The following AASDHPPT variants were observed in gnomAD, a reference collection of about 807,000 sequenced individuals.
The protein encoded by AASDHPPT is aminoadipate-semialdehyde dehydrogenase-phosphopantetheinyl transferase, also known as L-aminoadipate-semialdehyde dehydrogenase-phosphopantetheinyl transferase.
In AASDHPPT, 23 loss-of-function variants were observed where a neutral mutation model predicts 36.4. That is an observed-to-expected ratio of 0.63 (90% confidence interval 0.45 to 0.89). The LOEUF (loss-of-function observed/expected upper bound fraction) is 0.89, where lower values mean the gene tolerates loss of function less well. Among genes scored for constraint, AASDHPPT ranks in the 40% least tolerant of loss-of-function variants. The probability of loss-of-function intolerance (pLI) is 0.00; values close to 1 mark genes in which losing one functional copy is unlikely to be tolerated. For missense variants in AASDHPPT, 377 were observed against 378.2 expected, an observed-to-expected ratio of 1.00 and a Z score of 0.03; for synonymous variants, 115 against 128.0, an observed-to-expected ratio of 0.90 and a Z score of 0.68.
Position 106,094,667 on chromosome 11 carries a change from G to T in AASDHPPT, c.765+13G>T. The T allele has an allele frequency of 1.3e-6, 2 of 1,579,568 alleles. No homozygotes were observed. The highest frequency in any genetic ancestry group is 1.7e-6 in the Non-Finnish European group (2 of 1,163,450). Reference sequence around the variant, plus strand: ...TAGACATCAGGATGTAAGATTTTAGGATTTCTCTTTTTTCTAAATAGCATG... The same window carrying T: ...TAGACATCAGGATGTAAGATTTTAGTATTTCTCTTTTTTCTAAATAGCATG... On this transcript the variant is annotated intron_variant, in intron 5 of 5. Transcript: ENST00000278618.
At chr11:106,089,509 G>A (rs1222781504) in intron 2 of AASDHPPT, 2 of 152,030 alleles carry the variant, frequency 1.3e-5, no homozygotes, top group Non-Finnish European at 1.5e-5. Context: ...CTTAGTAAAT[G>A]TTTGTGGTTC....
rs760774577 is a variant in AASDHPPT, at chr11:106,091,480, A to G, written c.693+3A>G. Reference sequence around the variant, plus strand: ...AAGAAAAAGAATGGGCATTTGAGGTAAGAAATTTGTTAGAATTGTTAAAAC... The same window carrying G: ...AAGAAAAAGAATGGGCATTTGAGGTGAGAAATTTGTTAGAATTGTTAAAAC... On this transcript the variant is annotated splice_donor_region_variant and intron_variant, in intron 4 of 5. Transcript: ENST00000278618. The G allele has an allele frequency of 3.5e-5, 55 of 1,568,140 alleles. No homozygotes were observed. The highest frequency in any genetic ancestry group is 4.6e-5 in the Non-Finnish European group (54 of 1,164,484).
chr11:106,088,153 A>AT lies in AASDHPPT; in HGVS notation c.410-2398dup, dbSNP rs375775501. Reference sequence around the variant, plus strand: ...ATATGAAAACGCACTCGTATCGGATATTTTTTGGCTGTACATAATGAGTTA... The same window carrying AT: ...ATATGAAAACGCACTCGTATCGGATATTTTTTTGGCTGTACATAATGAGTTA... On this transcript the variant is annotated intron_variant, in intron 2 of 5. Transcript: ENST00000278618. 5.2e-3 allele frequency among the ~76,000 whole-genome samples: 787 copies of AT among 152,166 alleles called. 8 individuals are homozygous for AT. The highest frequency in any genetic ancestry group is 0.018 in the African/African-American group (734 of 41,538).
At position 106,094,651 on chromosome 11, in the gene AASDHPPT, G is replaced by A. The variant is rs1249875927; in HGVS notation, c.762G>A (p.Gln254=). 1 of 1,595,450 alleles carries A rather than the reference G, an allele frequency of 6.3e-7. No individual in the cohort carries two copies. The highest frequency in any genetic ancestry group is 1.8e-5 in the Admixed American group (1 of 57,072). ...ALRKPDGSRH[Q]DVPSQDDSKP... is the part of the protein sequence containing the mutation. ...GGAAACCCGATGGATCTAGACATCA[G>A]GATGTAAGATTTTAGGATTTCTCTT... The change falls in exon 5 of 6, where the codon CAG becomes CAA. Residue 254 remains glutamine, a synonymous_variant. Transcript: ENST00000278618.
At chr11:106,092,674 G>T (rs540392545) in intron 4 of AASDHPPT, 10 of 152,146 alleles carry the variant, frequency 6.6e-5, no homozygotes, top group African/African-American at 2.2e-4. Flanking sequence ...GTTTATGATG[G>T]TTTAACTTTT....
At chr11:106,094,845 G>C (rs1378818360) in intron 5 of AASDHPPT, among the ~76,000 whole-genome samples, 191 bp downstream of exon 5, 1 of 152,134 alleles carries the variant, frequency 6.6e-6, no homozygotes, top group South Asian at 2.1e-4. Context: ...TTAAAAAGCA[G>C]CTGGGCATGG....
intron 1 of AASDHPPT, among the ~76,000 whole-genome samples, chr11:106,078,382 GATTGAAGCCAATGAA>G (rs1252177488): frequency 5.9e-5 from 9 of 152,234 alleles, no homozygotes; most frequent in African/African-American, 2.2e-4. Flanking sequence ...CGCTCCCCGG[GATTGAAGCCAATGAA>G]ATTGAAGCCA....
At chr11:106,093,094 A>G (rs1293332035) in intron 4 of AASDHPPT, 1 of 152,232 alleles carries the variant, frequency 6.6e-6, no homozygotes, top group Admixed American at 6.5e-5. Context: ...GTATCCAAGG[A>G]CAGAAAGCAT....
intron 4 of AASDHPPT, 109 bp from the exon 5 acceptor site, chr11:106,094,474 A>ATG (rs1392922203): frequency 1.4e-6 from 1 of 730,766 alleles, no homozygotes; most frequent in East Asian, 3.0e-5. Flanking sequence ...GTGTACGTAT[A>ATG]TGTATATATA....
Position 106,079,593 on chromosome 11 carries a change from A to T in AASDHPPT, c.310A>T (p.Asn104Tyr). 6.2e-7 allele frequency: 1 copy of T among 1,614,170 alleles called. No homozygotes were observed. Among genetic ancestry groups the T allele is most frequent in the Non-Finnish European group, 8.5e-7 (1 of 1,180,010 alleles). Residue 104 changes from asparagine to tyrosine, a missense_variant, in exon 2 of 6, where the codon AAT becomes TAT. By Grantham distance (143) the Asn-to-Tyr change is moderately radical. Coordinates refer to ENST00000278618, the MANE Select transcript of AASDHPPT (RefSeq NM_015423.3). ...AAAGGACTCATCGAATCCTTACCCG[A>T]ATTTCAACTTTAACATCTCTCATCA... is the stretch of plus-strand genomic sequence containing the variant. ...LAKDSSNPYP[N>Y]FNFNISHQGD...
At chr11:106,078,173 G>A (rs1281019726) in intron 1 of AASDHPPT, among the ~76,000 whole-genome samples, 1 of 152,190 alleles carries the variant, frequency 6.6e-6, no homozygotes, top group Non-Finnish European at 1.5e-5. Flanking sequence ...TGAAATAAGT[G>A]TAGGGAAGGC....
rs140654612 is a variant in AASDHPPT at position 106,080,293 on chromosome 11, C to T, written c.409+601C>T. Among the ~76,000 whole-genome samples, 216 of 152,286 alleles carry T rather than the reference C, an allele frequency of 1.4e-3. 2 individuals carry two copies. The highest frequency in any genetic ancestry group is 4.9e-3 in the African/African-American group (204 of 41,570). Reference sequence around the variant, plus strand: ...GGGCCGCATGCGCAGATTTTGGTATCTGAGGAGGGTCCTGGAACCAGTCCC... The same window carrying T: ...GGGCCGCATGCGCAGATTTTGGTATTTGAGGAGGGTCCTGGAACCAGTCCC... On this transcript the variant is annotated intron_variant, in intron 2 of 5. Coordinates refer to ENST00000278618, the MANE Select transcript of AASDHPPT (RefSeq NM_015423.3).
Position 106,077,725 on chromosome 11 carries a change from C to T in AASDHPPT, c.15C>T (p.Ala5=), listed in dbSNP as rs1374773673. The part of the protein sequence containing the change: MVFP[A]KRFCLVPSME... Reference sequence around the variant, plus strand: ...GCTTTCAGTGTATGGTTTTCCCTGCCAAACGGTTCTGCTTGGTGCCATCCA... The same window carrying T: ...GCTTTCAGTGTATGGTTTTCCCTGCTAAACGGTTCTGCTTGGTGCCATCCA... The change falls in exon 1 of 6, where the codon GCC becomes GCT. Residue 5 remains alanine (A), a synonymous_variant. Coordinates refer to ENST00000278618, the MANE Select transcript of AASDHPPT (RefSeq NM_015423.3). The T allele has an allele frequency of 6.2e-7, 1 of 1,613,678 alleles. No individual in the cohort carries two copies. Among genetic ancestry groups the T allele is most frequent in the Non-Finnish European group, 8.5e-7 (1 of 1,179,752 alleles).
intron 2 of AASDHPPT, chr11:106,086,332 C>T (rs980753368): frequency 1.3e-5 from 2 of 152,280 alleles, no homozygotes; most frequent in African/African-American, 4.8e-5. Context: ...CCTTCACCTT[C>T]AAATGACCTT....
rs1591544794 is a variant in AASDHPPT, at chr11:106,088,660, C to T, written c.410-1897C>T. On this transcript the variant is annotated intron_variant, in intron 2 of 5. Transcript: ENST00000278618. ...ATGTTACTTATCAAGCCAGTATGTA[C>T]TATTGATGCATTGAACAAAAAAGTT... 2.0e-5 allele frequency among the ~76,000 whole-genome samples: 3 copies of T among 152,134 alleles called. No homozygotes were observed. In the South Asian group the frequency reaches 6.2e-4, roughly 32 times the overall value.
chr11:106,086,745 T>G (rs973599017), intron 2 of AASDHPPT, among the ~76,000 whole-genome samples: 5 of 152,108 alleles, frequency 3.3e-5, no homozygotes, highest in African/African-American at 1.2e-4. Context: ...TGGGGCAAAA[T>G]TCCTCTCATC....
Position 106,096,978 on chromosome 11 carries a change from T to C in AASDHPPT, c.*71T>C. The C allele has an allele frequency of 7.2e-7, 1 of 1,396,258 alleles. No homozygotes were observed. The highest frequency in any genetic ancestry group is 9.5e-7 in the Non-Finnish European group (1 of 1,049,384). 86.5% of individuals were successfully genotyped at this position (1,396,258 alleles called of 1,614,324 possible). A position where few individuals can be genotyped will look rare whatever the true frequency, so the allele number is the denominator to read the frequency against. ...CCGTATTCACTGAAAAATAAATGCT[T>C]GTTTAGTATCAAATTTTATTTCACG... On this transcript the variant is annotated 3_prime_UTR_variant, in exon 6 of 6. Transcript: ENST00000278618.
Position 106,077,673 on chromosome 11 carries a change from A to G in AASDHPPT, c.-38A>G, listed in dbSNP as rs201501289. On this transcript the variant is annotated 5_prime_UTR_variant, in exon 1 of 6. Coordinates refer to ENST00000278618, the MANE Select transcript of AASDHPPT (RefSeq NM_015423.3). Reference sequence around the variant, plus strand: ...GTGGGGCCACGTTTGCGTCCGCGCCATCAGGCCCGAGATAGCGGCGAGGTC... The same window carrying G: ...GTGGGGCCACGTTTGCGTCCGCGCCGTCAGGCCCGAGATAGCGGCGAGGTC... 1.2e-4 allele frequency: 197 copies of G among 1,595,380 alleles called. No homozygotes were observed. The African/African-American group carries it at 1.8e-3, about 14-fold the overall frequency.
chr11:106,098,203 T>G lies in AASDHPPT; in HGVS notation c.*1296T>G, dbSNP rs1861338093. On this transcript the variant is annotated 3_prime_UTR_variant, in exon 6 of 6. Coordinates refer to ENST00000278618, the MANE Select transcript of AASDHPPT (RefSeq NM_015423.3). The stretch of plus-strand genomic sequence containing the variant: ...ATGTCATTTTTAAAATTTGTATTTC[T>G]TTCATTACAAATAAGATTGTTATGT... 1 of 152,204 alleles carries G rather than the reference T, an allele frequency of 6.6e-6. No individual in the cohort carries two copies. Among genetic ancestry groups the G allele is most frequent in the Non-Finnish European group, 1.5e-5 (1 of 68,022 alleles). The allele number at this position is 152,204 out of a possible 1,614,324, so 9.4% of individuals were successfully genotyped here. A position where few individuals can be genotyped will look rare whatever the true frequency, so the allele number is the denominator to read the frequency against.
Sources: allele counts gnomAD v4.1 joint callset (sites outside exome capture counted in the v4.1 genomes callset), GRCh38; gene constraint gnomAD v4.1.1; transcripts MANE v1.5; gene names NCBI Gene and HGNC (gene_info 2026-07-23, HGNC 2026-07-21).